Variants in RAB3GAP1 observed in about 807,000 individuals in gnomAD.
RAB3GAP1 encodes rab3 GTPase-activating protein catalytic subunit.
Under a neutral mutation model 130.7 loss-of-function variants are expected in RAB3GAP1, and 86 were observed. The observed-to-expected ratio is 0.66, with a 90% CI of 0.55 to 0.79. The LOEUF is 0.79. Among genes scored for constraint, RAB3GAP1 ranks in the 30% least tolerant of loss-of-function variants. RAB3GAP1 has a pLI of 0.00. For missense variants in RAB3GAP1, 1,029 were observed against 1,169.4 expected (o/e 0.88, Z 1.75); for synonymous variants, 367 against 401.7 (o/e 0.91, Z 1.03).
At chr2:135,118,542 G>A (rs184859171) in intron 7 of RAB3GAP1, among the ~76,000 whole-genome samples, 1 of 152,034 alleles carries the variant, frequency 6.6e-6, no homozygotes, top group East Asian at 1.9e-4. Context: ...TGTTGATTTG[G>A]ATATTTGTCT....
At chr2:135,110,090 G>T (rs1690754961) in intron 5 of RAB3GAP1, among the ~76,000 whole-genome samples, 1 of 151,972 alleles carries the variant, frequency 6.6e-6, no homozygotes, top group South Asian at 2.1e-4. Context: ...ACATTTTAAA[G>T]ATCATAAAGA....
At chr2:135,053,545 T>C (rs1465403148) in intron 2 of RAB3GAP1, among the ~76,000 whole-genome samples, 1 of 152,220 alleles carries the variant, frequency 6.6e-6, no homozygotes, top group African/African-American at 2.4e-5. Flanking sequence ...CATTTTATAA[T>C]CTTTCTGGTT....
chr2:135,124,023 C>T, intron 8 of RAB3GAP1, 142 bp from the exon 9 acceptor site: 1 of 695,452 alleles, frequency 1.4e-6, no homozygotes, highest in South Asian at 1.7e-5. Context: ...ACTACATATG[C>T]TGTAAGTTGG....
chr2:135,175,409 G>C (rs1486685067), downstream of RAB3GAP1: 2 of 152,266 alleles, frequency 1.3e-5, no homozygotes, highest in Non-Finnish European at 2.9e-5. Flanking sequence ...CCCACTCCAG[G>C]TGTGTGGAAG....
intron 3 of RAB3GAP1, among the ~76,000 whole-genome samples, chr2:135,061,791 TG>T (rs778736901): frequency 1.9e-4 from 29 of 152,294 alleles, no homozygotes; most frequent in Non-Finnish European, 2.2e-4. Flanking sequence ...ATTTAACCTT[TG>T]TTAAGGTCTA....
intron 13 of RAB3GAP1, 65 bp downstream of exon 13, chr2:135,130,786 C>A: frequency 6.9e-7 from 1 of 1,453,480 alleles, no homozygotes; most frequent in Non-Finnish European, 9.6e-7. Context: ...ATAGCCAGTT[C>A]CTTTTATGTG....
chr2:135,065,319 G>A (rs963500385), intron 3 of RAB3GAP1, among the ~76,000 whole-genome samples: 1 of 152,146 alleles, frequency 6.6e-6, no homozygotes, highest in Non-Finnish European at 1.5e-5. Flanking sequence ...ACTTTGCAAG[G>A]GGTGATCAGG....
At chr2:135,058,177 A>C (rs913750384) in intron 3 of RAB3GAP1, 91 bp downstream of exon 3, 1 of 1,104,014 alleles carries the variant, frequency 9.1e-7, no homozygotes, top group Non-Finnish European at 1.4e-6. Flanking sequence ...ATTTGAATTA[A>C]ATGTTTTTTA....
Position 135,169,625 on chromosome 2 carries a change from T to TA in RAB3GAP1, c.*845dup, listed in dbSNP as rs1367881532. 3 of 378,456 alleles carry TA rather than the reference T, an allele frequency of 7.9e-6. No homozygotes were observed. In the East Asian group the frequency reaches 2.5e-4, roughly 32 times the overall value. The allele number at this position is 378,456 out of a possible 1,614,324, so 23.4% of individuals were successfully genotyped here. The stretch of plus-strand genomic sequence containing the variant: ...AAGTAGAGAATAGCACTTGCAAAAA[T>TA]ACAGTCTTGGTACCTAGAGACTGTC... On this transcript the variant is annotated 3_prime_UTR_variant, in exon 24 of 24. Transcript: ENST00000264158.
At chr2:135,101,663 T>C (rs1690452807) in intron 5 of RAB3GAP1, among the ~76,000 whole-genome samples, 1 of 152,268 alleles carries the variant, frequency 6.6e-6, no homozygotes, top group Non-Finnish European at 1.5e-5. Context: ...AAGGGACTTT[T>C]ATAAAAGTGG....
chr2:135,164,733 T>A (rs762535898), intron 23 of RAB3GAP1, 37 bp downstream of exon 23: 2 of 1,504,194 alleles, frequency 1.3e-6, no homozygotes. Context: ...TCATAATCTC[T>A]CCAAACCTCT....
rs528183695 is a variant in RAB3GAP1, at chr2:135,082,736, C to T, written c.151-8262C>T. On this transcript the variant is annotated intron_variant, in intron 3 of 23. Transcript: ENST00000264158. ...AATTACAGGCGCGAGCCACCGTGAC[C>T]GGCCAATATGTACACTTTTGTAACT... 3.9e-5 allele frequency among the ~76,000 whole-genome samples: 6 copies of T among 152,166 alleles called. No homozygotes were observed. The East Asian group carries it at 5.8e-4, about 15-fold the overall frequency.
intron 3 of RAB3GAP1, among the ~76,000 whole-genome samples, chr2:135,066,269 A>G (rs1481336824): frequency 1.3e-5 from 2 of 152,112 alleles, no homozygotes; most frequent in South Asian, 2.1e-4. Context: ...TTTATAGGAA[A>G]GTTTATCTGA....
chr2:135,171,074 G>A (rs539929999), downstream of RAB3GAP1, among the ~76,000 whole-genome samples: 2 of 152,026 alleles, frequency 1.3e-5, 1 homozygote, highest in South Asian at 4.2e-4. Flanking sequence ...AAAGGTAACT[G>A]ACAGGAGGGG....
At chr2:135,102,586 C>T (rs1690477136) in intron 5 of RAB3GAP1, among the ~76,000 whole-genome samples, 1 of 152,144 alleles carries the variant, frequency 6.6e-6, no homozygotes, top group Non-Finnish European at 1.5e-5. Context: ...CATTTTGTCC[C>T]CATGGCTCTG....
Position 135,164,653 on chromosome 2 carries a change from A to G in RAB3GAP1, c.2666A>G (p.His889Arg). 1 of 1,613,436 alleles carries G rather than the reference A, an allele frequency of 6.2e-7. No homozygotes were observed. The highest frequency in any genetic ancestry group is 1.3e-5 in the African/African-American group (1 of 75,020). ...TTAGTCACCGGTGCAGGAAGAGGAC[A>G]TGCTGGCAGGATCATTCACAAGCTG... ...EVLVTGAGRG[H>R]AGRIIHKLFV... Residue 889 changes from histidine to arginine, a missense_variant, in exon 23 of 24, where the codon CAT (histidine) becomes CGT (arginine). Physicochemically the swap from His to Arg is conservative, Grantham distance 29 (BLOSUM62 0). Transcript: ENST00000264158.
At chr2:135,134,848 C>T (rs529840447) in intron 15 of RAB3GAP1, among the ~76,000 whole-genome samples, 45 of 152,230 alleles carry the variant, frequency 3.0e-4, no homozygotes, top group African/African-American at 1.1e-3. Context: ...TATTGAAATA[C>T]AGGTGGAGAT....
intron 6 of RAB3GAP1, among the ~76,000 whole-genome samples, chr2:135,113,717 C>T (rs1690887438): frequency 6.6e-6 from 1 of 151,970 alleles, no homozygotes; most frequent in Admixed American, 6.6e-5. Flanking sequence ...CTATGTGATT[C>T]TCAACTCATT....
chr2:135,089,902 C>A (rs1479208481), intron 3 of RAB3GAP1: 1 of 340,794 alleles, frequency 2.9e-6, no homozygotes, highest in Non-Finnish European at 6.0e-6. Context: ...CACGTGGACA[C>A]AGGGAGGGAA....
Sources: gnomAD v4.1 joint callset for allele counts (sites outside exome capture counted in the v4.1 genomes callset) on GRCh38, gnomAD v4.1.1 for gene constraint, MANE v1.5 for transcripts, NCBI Gene and HGNC (gene_info 2026-07-23, HGNC 2026-07-21) for gene names.